The following NCKAP5 variants were observed in gnomAD, a reference collection of about 807,000 sequenced individuals.
NCKAP5 encodes the protein NCK associated protein 5.
In NCKAP5, 92 loss-of-function variants were observed where a neutral mutation model predicts 167.0. The observed-to-expected ratio is 0.55, with a 90% CI of 0.47 to 0.66. The LOEUF is 0.66. Ranked by LOEUF, NCKAP5 falls within the 30% of genes least tolerant of loss-of-function variation. NCKAP5 has a pLI of 0.00. For missense variants in NCKAP5, 2,378 were observed against 2,315.0 expected, an observed-to-expected ratio of 1.03 and a Z score of -0.56; for synonymous variants, 891 against 877.4, an observed-to-expected ratio of 1.02 and a Z score of -0.27.
the NCKAP5 span, among the ~76,000 whole-genome samples, chr2:133,667,105 C>T: frequency 6.6e-6 from 1 of 152,064 alleles, no homozygotes; most frequent in Non-Finnish European, 1.5e-5. Flanking sequence ...GATTAACATT[C>T]AGTCTCTTAC....
intron 19 of NCKAP5, among the ~76,000 whole-genome samples, chr2:132,687,279 T>C (rs185296632): frequency 1.3e-5 from 2 of 152,138 alleles, no homozygotes; most frequent in Admixed American, 1.3e-4. Flanking sequence ...GCCTGTGCAA[T>C]TGTATTGCAC....
chr2:133,584,996 G>A, the NCKAP5 span, among the ~76,000 whole-genome samples: 203 of 82,860 alleles, frequency 2.4e-3, 1 homozygote, highest in East Asian at 7.5e-3. Context: ...GAAGGAAGGA[G>A]GGAAAGAAAG....
intron 15 of NCKAP5, among the ~76,000 whole-genome samples, chr2:132,780,298 C>A (rs550605686): frequency 6.6e-6 from 1 of 151,984 alleles, no homozygotes; most frequent in Admixed American, 6.6e-5. Context: ...ACTGCAGGCG[C>A]CCACCACCAT....
At chr2:132,997,732 G>T (rs1020757121) in intron 6 of NCKAP5, among the ~76,000 whole-genome samples, 1 of 151,842 alleles carries the variant, frequency 6.6e-6, no homozygotes, top group African/African-American at 2.4e-5. Flanking sequence ...GAACAACTTT[G>T]GTGGATGAAC....
chr2:132,730,187 G>A (rs1333132639), intron 17 of NCKAP5, among the ~76,000 whole-genome samples: 2 of 152,124 alleles, frequency 1.3e-5, no homozygotes, highest in Admixed American at 6.5e-5. Context: ...ACTCTTCACT[G>A]TAATTTAATT....
chr2:133,265,772 G>A (rs549405373), intron 4 of NCKAP5, among the ~76,000 whole-genome samples: 81 of 152,308 alleles, frequency 5.3e-4, no homozygotes, highest in Admixed American at 1.5e-3. Flanking sequence ...GCTGGGGCCG[G>A]GCCAGGGAGT....
At chr2:133,663,688 C>T in the NCKAP5 span, among the ~76,000 whole-genome samples, 2 of 152,170 alleles carry the variant, frequency 1.3e-5, no homozygotes, top group Non-Finnish European at 2.9e-5. Flanking sequence ...CATGAGATTG[C>T]AGCAATTCAG....
intron 6 of NCKAP5, among the ~76,000 whole-genome samples, chr2:133,070,178 G>A (rs1287154067): frequency 6.6e-6 from 1 of 152,068 alleles, no homozygotes; most frequent in East Asian, 1.9e-4. Flanking sequence ...TGTAAAAGGT[G>A]GTATGGGAAC....
intron 9 of NCKAP5, among the ~76,000 whole-genome samples, chr2:132,870,431 T>A (rs935962229): frequency 1.3e-5 from 2 of 152,130 alleles, no homozygotes; most frequent in African/African-American, 4.8e-5. Flanking sequence ...TACTTAAATA[T>A]CCTAGATATA....
chr2:133,194,160 C>T (rs1336745650), intron 5 of NCKAP5, among the ~76,000 whole-genome samples: 1 of 151,942 alleles, frequency 6.6e-6, no homozygotes, highest in African/African-American at 2.4e-5. Context: ...AAAATAAAAA[C>T]TAATGAAAGC....
rs1395212289 is a variant in NCKAP5, at chr2:132,801,151, C to A, written c.808-4422G>T. ...TCATGCAGACAACTCAGCACAGCAA[C>A]CTTGGAAGCCACTTGTTGAAGATGA... On this transcript the variant is annotated intron_variant, in intron 11 of 19. Coordinates refer to ENST00000409261, the MANE Select transcript of NCKAP5 (RefSeq NM_207363.3). 2.6e-5 allele frequency among the ~76,000 whole-genome samples: 4 copies of A among 152,278 alleles called. No individual in the cohort carries two copies. In the South Asian group the frequency reaches 8.3e-4, roughly 32 times the overall value.
chr2:132,673,111 C>T lies in NCKAP5; in HGVS notation c.*178G>A. ...AAGATTCCAAGTTGTCTACCCCAGG[C>T]CTATCTGAACTACTCAAAGATGTCT... On this transcript the variant is annotated 3_prime_UTR_variant, in exon 20 of 20. Transcript: ENST00000409261. The T allele has an allele frequency of 4.6e-6, 6 of 1,296,406 alleles. No individual in the cohort carries two copies. The highest frequency in any genetic ancestry group is 5.9e-6 in the Non-Finnish European group (6 of 1,024,688). The allele number at this position is 1,296,406 out of a possible 1,614,324, so 80.3% of individuals were successfully genotyped here.
intron 5 of NCKAP5, among the ~76,000 whole-genome samples, chr2:133,178,180 G>C (rs528093055): frequency 0.06 from 9,182 of 152,144 alleles, 308 homozygotes; most frequent in African/African-American, 0.088. Context: ...CGTAGCAATA[G>C]ATGCCAGGCA....
At chr2:132,778,331 A>T (rs1682727234) in intron 15 of NCKAP5, among the ~76,000 whole-genome samples, 1 of 152,142 alleles carries the variant, frequency 6.6e-6, no homozygotes, top group Non-Finnish European at 1.5e-5. Context: ...TAATTCAGAC[A>T]AACATTAATA....
At chr2:133,652,719 C>T in the NCKAP5 span, among the ~76,000 whole-genome samples, 19 of 152,338 alleles carry the variant, frequency 1.2e-4, no homozygotes, top group South Asian at 3.7e-3. Flanking sequence ...CCTTGGAATC[C>T]ATTGCCTGTC....
At chr2:132,961,946 T>G (rs2076524426) in intron 8 of NCKAP5, among the ~76,000 whole-genome samples, 1 of 152,200 alleles carries the variant, frequency 6.6e-6, no homozygotes, top group Non-Finnish European at 1.5e-5. Context: ...CAGTTTCCCT[T>G]GAGAAAGCTT....
intron 3 of NCKAP5, among the ~76,000 whole-genome samples, chr2:133,310,149 CAAAT>C (rs1681129865): frequency 6.6e-6 from 1 of 152,154 alleles, no homozygotes; most frequent in African/African-American, 2.4e-5. Flanking sequence ...GCAAAAAACT[CAAAT>C]AAAATACCCA....
At chr2:133,584,144 TAGG>T in the NCKAP5 span, among the ~76,000 whole-genome samples, 55 of 152,372 alleles carry the variant, frequency 3.6e-4, no homozygotes, top group African/African-American at 1.3e-3. Context: ...TGTTTTTTAA[TAGG>T]AGATGTGGTT....
At chr2:133,329,213 C>T (rs1011414282) in intron 3 of NCKAP5, among the ~76,000 whole-genome samples, 3 of 152,108 alleles carry the variant, frequency 2.0e-5, no homozygotes, top group African/African-American at 7.2e-5. Context: ...GGTCTGCTTT[C>T]CTTTTTCACC....
Sources: allele counts gnomAD v4.1 joint callset (sites outside exome capture counted in the v4.1 genomes callset), GRCh38; gene constraint gnomAD v4.1.1; transcripts MANE v1.5; gene names NCBI Gene and HGNC (gene_info 2026-07-23, HGNC 2026-07-21).